OTOGL: variants seen among roughly 807,000 people sequenced by gnomAD.
OTOGL encodes otogelin like.
A neutral mutation model predicts 318.5 loss-of-function variants in OTOGL; 285 were observed. That is an observed-to-expected ratio of 0.89 (90% CI 0.81 to 0.99). The LOEUF (loss-of-function observed/expected upper bound fraction) is 0.99, where lower values mean the gene tolerates loss of function less well. Ranked by LOEUF, OTOGL falls within the 50% of genes least tolerant of loss-of-function variation. The pLI is 0.00. For missense variants in OTOGL, 2,899 were observed against 2,845.6 expected, an observed-to-expected ratio of 1.02 and a Z score of -0.43; for synonymous variants, 987 against 936.5, an observed-to-expected ratio of 1.05 and a Z score of -0.99.
At chr12:80,296,995 C>T (rs373610506) in intron 27 of OTOGL, 34 bp downstream of exon 27, 2 of 1,477,236 alleles carry the variant, frequency 1.4e-6, no homozygotes, top group African/African-American at 2.8e-5. Context: ...ATCATTTGAA[C>T]TTGTCCTGAG....
chr12:80,120,096 T>C (rs1327023614), intron 1 of OTOGL, among the ~76,000 whole-genome samples: 1 of 152,128 alleles, frequency 6.6e-6, no homozygotes, highest in Non-Finnish European at 1.5e-5. Context: ...AGAGTTTGAA[T>C]ATGCTGGTTA....
chr12:80,102,182 C>T (rs554302522), intron 1 of OTOGL, among the ~76,000 whole-genome samples: 2 of 152,282 alleles, frequency 1.3e-5, no homozygotes, highest in Admixed American at 6.5e-5. Flanking sequence ...CTCCCTGGGA[C>T]CCTAAGTAAA....
At chr12:80,280,260 G>A (rs1038274259) in intron 26 of OTOGL, among the ~76,000 whole-genome samples, 1 of 151,326 alleles carries the variant, frequency 6.6e-6, no homozygotes, top group African/African-American at 2.4e-5. Context: ...TGTTTATTTT[G>A]TGGACATTTC....
intron 1 of OTOGL, among the ~76,000 whole-genome samples, chr12:80,139,663 A>C (rs563588644): frequency 9.2e-5 from 14 of 152,298 alleles, no homozygotes; most frequent in South Asian, 6.2e-4. Context: ...TATAAAATTA[A>C]AATATATTTA....
chr12:80,227,529 G>T (rs1490604457), intron 7 of OTOGL, among the ~76,000 whole-genome samples: 1 of 152,142 alleles, frequency 6.6e-6, no homozygotes, highest in Admixed American at 6.5e-5. Flanking sequence ...GGAAACTCTG[G>T]ATATATGCAT....
At chr12:80,126,051 C>T (rs536280047) in intron 1 of OTOGL, among the ~76,000 whole-genome samples, 1 of 152,210 alleles carries the variant, frequency 6.6e-6, no homozygotes. Flanking sequence ...CAGTTCTGCT[C>T]TGATCTTAGT....
chr12:80,306,717 GA>G (rs1309563256), intron 29 of OTOGL, among the ~76,000 whole-genome samples: 2 of 150,052 alleles, frequency 1.3e-5, no homozygotes, highest in African/African-American at 4.9e-5. Context: ...TAGAAGTTTT[GA>G]AAAAAATCGT....
chr12:80,352,925 CT>C lies in OTOGL; in HGVS notation c.5408-394del, dbSNP rs1275952049. On this transcript the variant is annotated intron_variant, in intron 45 of 58. Transcript: ENST00000547103. ...TCAAACCTAAATATACAACATTTTT[CT>C]TTTTTATGATTTGGTTGAGTTATAT... Among the ~76,000 whole-genome samples the C allele has an allele frequency of 5.3e-5, 8 of 152,172 alleles. No homozygotes were observed. The East Asian group carries it at 1.5e-3, about 29-fold the overall frequency.
chr12:80,219,618 G>C (rs1425305433), intron 5 of OTOGL, among the ~76,000 whole-genome samples, 196 bp from the exon 6 acceptor site: 1 of 152,148 alleles, frequency 6.6e-6, no homozygotes, highest in Admixed American at 6.5e-5. Context: ...TGCCTTTCTT[G>C]CTTCACAGCA....
chr12:80,311,017 G>T (rs1224085899), intron 30 of OTOGL, among the ~76,000 whole-genome samples: 1 of 152,134 alleles, frequency 6.6e-6, no homozygotes, highest in Non-Finnish European at 1.5e-5. Flanking sequence ...ATGATTAAGA[G>T]CATAAATGTT....
intron 1 of OTOGL, among the ~76,000 whole-genome samples, chr12:80,190,512 G>A (rs7957206): frequency 0.013 from 1,984 of 152,284 alleles, 41 homozygotes; most frequent in African/African-American, 0.044. Flanking sequence ...TCCAGGCCGG[G>A]CGCGGTGGCT....
At position 80,338,864 on chromosome 12, in the gene OTOGL, G is replaced by A. The variant is rs575870910; in HGVS notation, c.4861-211G>A. On this transcript the variant is annotated intron_variant, in intron 42 of 58. Transcript: ENST00000547103. ...TTTGAGGAAAATGAAAGGCAATGACGTTAGAACACATATTGACTAGAGCAA... is the reference window on the plus strand; with the variant it reads ...TTTGAGGAAAATGAAAGGCAATGACATTAGAACACATATTGACTAGAGCAA... 5.3e-4 allele frequency among the ~76,000 whole-genome samples: 81 copies of A among 152,012 alleles called. 3 individuals carry two copies. The South Asian group carries it at 7.1e-3, about 13-fold the overall frequency.
intron 23 of OTOGL, among the ~76,000 whole-genome samples, chr12:80,271,044 C>T (rs1883370266): frequency 1.3e-5 from 2 of 152,096 alleles, no homozygotes; most frequent in Non-Finnish European, 2.9e-5. Flanking sequence ...GGCTTCTTTA[C>T]AAGACATGTT....
intron 49 of OTOGL, among the ~76,000 whole-genome samples, chr12:80,357,770 G>A (rs1227989433): frequency 6.6e-6 from 1 of 152,080 alleles, no homozygotes; most frequent in Non-Finnish European, 1.5e-5. Flanking sequence ...GAGTGGCCTG[G>A]TTGAGGCACC....
chr12:80,183,418 C>T (rs1331286767), intron 1 of OTOGL, among the ~76,000 whole-genome samples: 2 of 152,172 alleles, frequency 1.3e-5, no homozygotes, highest in African/African-American at 4.8e-5. Context: ...CTTGAGAAAT[C>T]AGGTGGATAA....
intron 1 of OTOGL, among the ~76,000 whole-genome samples, chr12:80,139,636 C>A (rs896892051): frequency 3.9e-5 from 6 of 152,186 alleles, no homozygotes; most frequent in African/African-American, 1.4e-4. Context: ...TATTCAAATT[C>A]AAGCTCTTTG....
In OTOGL at chr12:80,279,091, C is replaced by A; in HGVS notation, c.2853C>A (p.Tyr951Ter). 6.5e-7 allele frequency: 1 copy of A among 1,528,410 alleles called. No individual in the cohort carries two copies. Among genetic ancestry groups the A allele is most frequent in the Non-Finnish European group, 8.8e-7 (1 of 1,133,982 alleles). 94.7% of individuals were successfully genotyped at this position (1,528,410 alleles called of 1,614,324 possible). A position where few individuals can be genotyped will look rare whatever the true frequency, so the allele number is the denominator to read the frequency against. Reference sequence around the variant, plus strand: ...CATGCCCAGCAGTGTGCACAATATACGGGGACCGACATTATTATTCTTTTG... The same window carrying A: ...CATGCCCAGCAGTGTGCACAATATAAGGGGACCGACATTATTATTCTTTTG... ...YYPCPAVCTI[Y>*]GDRHYYSFDG... The change falls in exon 26 of 59, where the codon TAC (tyrosine) becomes TAA (stop). Residue 951 changes from tyrosine to a stop codon, truncating the protein, a stop_gained. Transcript: ENST00000547103. LOFTEE classifies it high-confidence loss of function.
intron 1 of OTOGL, among the ~76,000 whole-genome samples, chr12:80,149,017 G>T (rs986861979): frequency 1.3e-5 from 2 of 152,144 alleles, no homozygotes; most frequent in African/African-American, 4.8e-5. Flanking sequence ...CTGTAGCTCA[G>T]AGTAATTTGA....
At chr12:80,348,345 C>A in intron 44 of OTOGL, among the ~76,000 whole-genome samples, 1 of 152,156 alleles carries the variant, frequency 6.6e-6, no homozygotes, top group East Asian at 1.9e-4. Context: ...ATATGGCTAG[C>A]CAGTTTTCCC....
Sources: gnomAD v4.1 joint callset for allele counts (sites outside exome capture counted in the v4.1 genomes callset) on GRCh38, gnomAD v4.1.1 for gene constraint, MANE v1.5 for transcripts, NCBI Gene and HGNC (gene_info 2026-07-23, HGNC 2026-07-21) for gene names.